The following CCDC150 variants were observed in gnomAD, a reference collection of about 807,000 sequenced individuals.
CCDC150 encodes coiled-coil domain-containing protein 150.
Under a neutral mutation model 156.5 loss-of-function variants are expected in CCDC150, and 151 were observed. The observed-to-expected ratio is 0.97, with a 90% CI of 0.85 to 1.10. The LOEUF (loss-of-function observed/expected upper bound fraction) is 1.10. CCDC150 is among the 50% of genes least tolerant of loss of function. The pLI is 0.00. For missense variants in CCDC150, 1,312 were observed against 1,268.1 expected, an observed-to-expected ratio of 1.03 and a Z score of -0.53; for synonymous variants, 452 against 429.4, an observed-to-expected ratio of 1.05 and a Z score of -0.65.
At chr2:196,651,720 G>A (rs758214065) in intron 2 of CCDC150, among the ~76,000 whole-genome samples, 40 of 152,074 alleles carry the variant, frequency 2.6e-4, no homozygotes, top group South Asian at 8.3e-4. Context: ...TTTAACTTTT[G>A]ACAATTTGAT....
At chr2:196,699,941 TTAAAA>T (rs1279993885) in intron 14 of CCDC150, among the ~76,000 whole-genome samples, 76 of 152,222 alleles carry the variant, frequency 5.0e-4, no homozygotes, top group Middle Eastern at 3.2e-3. Flanking sequence ...GTTCACACAC[TTAAAA>T]TAAAGGATAT....
intron 13 of CCDC150, among the ~76,000 whole-genome samples, chr2:196,689,611 T>G (rs1397517974): frequency 3.1e-4 from 47 of 152,180 alleles, no homozygotes; most frequent in African/African-American, 1.0e-3. Flanking sequence ...CTGAGACTTT[T>G]CTGAAGTTGC....
chr2:196,690,920 G>A (rs1018887814), intron 13 of CCDC150, among the ~76,000 whole-genome samples: 10 of 152,168 alleles, frequency 6.6e-5, no homozygotes, highest in Admixed American at 1.3e-4. Flanking sequence ...GTGAAGGGAT[G>A]TTGAATTTTA....
intron 21 of CCDC150, among the ~76,000 whole-genome samples, chr2:196,722,069 T>A (rs1697952874): frequency 1.3e-5 from 2 of 152,234 alleles, no homozygotes; most frequent in African/African-American, 4.8e-5. Flanking sequence ...TCAGCCTGGG[T>A]GGAATGACTC....
At chr2:196,640,295 G>A (rs1222322600) in intron 1 of CCDC150, among the ~76,000 whole-genome samples, 1 of 152,130 alleles carries the variant, frequency 6.6e-6, no homozygotes, top group African/African-American at 2.4e-5. Context: ...CACTGTATTA[G>A]GCTCTAAAGA....
chr2:196,692,414 G>T lies in CCDC150; in HGVS notation c.1510-2632G>T, dbSNP rs562157548. Among the ~76,000 whole-genome samples, 2 of 152,074 alleles carry T rather than the reference G, an allele frequency of 1.3e-5. 1 individual carries two copies. The highest frequency in any genetic ancestry group is 1.3e-4 in the Admixed American group (2 of 15,272). On this transcript the variant is annotated intron_variant, in intron 13 of 27. Transcript: ENST00000389175. ...CTCCCAAAGTGCTGGGATTACAGGC[G>T]TGAGCCACCGCGCCCGGCCGAGATC...
At chr2:196,707,165 A>G (rs1425455286) in intron 15 of CCDC150, among the ~76,000 whole-genome samples, 6 of 152,066 alleles carry the variant, frequency 3.9e-5, no homozygotes, top group Non-Finnish European at 7.4e-5. Context: ...TTGGTAGGCT[A>G]TTATTGCCTC....
rs1698563048 is a variant in CCDC150 at position 196,732,292 on chromosome 2, A to C, written c.3189+140A>C. 3 of 1,189,628 alleles carry C rather than the reference A, an allele frequency of 2.5e-6. No homozygotes were observed. The South Asian group carries it at 4.5e-5, about 18-fold the overall frequency. The allele number at this position is 1,189,628 out of a possible 1,614,324, so 73.7% of individuals were successfully genotyped here. A position where few individuals can be genotyped will look rare whatever the true frequency, so the allele number is the denominator to read the frequency against. On this transcript the variant is annotated intron_variant, in intron 27 of 27. Coordinates refer to ENST00000389175, the MANE Select transcript of CCDC150 (RefSeq NM_001080539.2). ...TAGACTAATGCTAGGAAACCAATTAATTTCTTTTTTTTACAAAGTTCCACC... is the reference window on the plus strand; with the variant it reads ...TAGACTAATGCTAGGAAACCAATTACTTTCTTTTTTTTACAAAGTTCCACC...
chr2:196,705,413 ATTTG>A (rs1449255955), intron 15 of CCDC150, among the ~76,000 whole-genome samples: 3 of 152,072 alleles, frequency 2.0e-5, no homozygotes, highest in African/African-American at 7.2e-5. Flanking sequence ...TTTCTTGTAA[ATTTG>A]TTTAAGTTCT....
chr2:196,721,609 A>T lies in CCDC150; in HGVS notation c.2347A>T (p.Asn783Tyr). 9 of 1,607,608 alleles carry T rather than the reference A, an allele frequency of 5.6e-6. No individual in the cohort carries two copies. Among genetic ancestry groups the T allele is most frequent in the Non-Finnish European group, 6.8e-6 (8 of 1,177,106 alleles). Residue 783 changes from asparagine to tyrosine, a missense_variant, in exon 21 of 28, where the codon AAT (asparagine) becomes TAT (tyrosine). Asn to Tyr is a moderately radical substitution (Grantham distance 143). Transcript: ENST00000389175. ...MSLEQALQTN[N>Y]HLQTKLDHIQ... ...TCTGGAACAAGCTCTCCAGACAAAT[A>T]ATCATCTGCAAACAAAGCTAGATCA...
chr2:196,726,194 C>T (rs978164175), intron 22 of CCDC150, 95 bp downstream of exon 22: 1 of 1,378,770 alleles, frequency 7.3e-7, no homozygotes, highest in Non-Finnish European at 1.0e-6. Context: ...TCTTTGACTC[C>T]TCTCATCCCC....
chr2:196,675,438 T>C lies in CCDC150; in HGVS notation c.1138-705T>C, dbSNP rs187733307. Among the ~76,000 whole-genome samples the C allele has an allele frequency of 2.0e-5, 3 of 152,292 alleles. No homozygotes were observed. In the East Asian group the frequency reaches 5.8e-4, roughly 29 times the overall value. ...CATTTTACCAGTGTGAAGACTTGCT[T>C]TGCAATCAAATATTGTTAAAATAGA... On this transcript the variant is annotated intron_variant, in intron 10 of 27. Transcript: ENST00000389175.
At chr2:196,704,506 T>C (rs76265868) in intron 15 of CCDC150, among the ~76,000 whole-genome samples, 2,382 of 152,270 alleles carry the variant, frequency 0.016, 72 homozygotes, top group African/African-American at 0.054. Context: ...TACTAGATTT[T>C]GTTATATTTC....
intron 13 of CCDC150, among the ~76,000 whole-genome samples, chr2:196,685,060 G>A (rs1695045201): frequency 1.3e-5 from 2 of 151,746 alleles, no homozygotes; most frequent in South Asian, 4.2e-4. Context: ...TACTGTTAAG[G>A]TAGGATTTAT....
At chr2:196,729,068 T>G (rs1698386519) in intron 22 of CCDC150, 125 bp from the exon 23 acceptor site, 2 of 834,578 alleles carry the variant, frequency 2.4e-6, no homozygotes, top group Non-Finnish European at 3.7e-6. Context: ...TCAGACATTA[T>G]TATTGCCTCA....
In CCDC150 at chr2:196,729,748, T is replaced by C. The variant is rs1394331774; in HGVS notation, c.2752-45T>C. 2.2e-6 allele frequency: 3 copies of C among 1,340,814 alleles called. No homozygotes were observed. The East Asian group carries it at 7.3e-5, about 33-fold the overall frequency. The allele number at this position is 1,340,814 out of a possible 1,614,324, so 83.1% of individuals were successfully genotyped here. On this transcript the variant is annotated intron_variant, in intron 23 of 27. Coordinates refer to ENST00000389175, the MANE Select transcript of CCDC150 (RefSeq NM_001080539.2). ...CTATAGGCAAAAAGAGCAAGCCAGTTTTTCCACTGATCATCTTTTTATGTT... is the reference window on the plus strand; with the variant it reads ...CTATAGGCAAAAAGAGCAAGCCAGTCTTTCCACTGATCATCTTTTTATGTT...
intron 13 of CCDC150, among the ~76,000 whole-genome samples, chr2:196,690,385 TAATAA>T (rs1303865126): frequency 4.6e-5 from 7 of 152,070 alleles, no homozygotes; most frequent in East Asian, 1.9e-4. Flanking sequence ...AGTATAATAA[TAATAA>T]AATAAAAAAC....
At position 196,718,504 on chromosome 2, in the gene CCDC150, T is replaced by C; in HGVS notation, c.1868T>C (p.Val623Ala). The C allele has an allele frequency of 6.2e-7, 1 of 1,605,748 alleles. No homozygotes were observed. Among genetic ancestry groups the C allele is most frequent in the Non-Finnish European group, 8.5e-7 (1 of 1,175,240 alleles). The part of the protein sequence containing the change: ...LQQADAHLKE[V>A]KSILERSKEE... ...TATTGTTTCTTTTTTCCTACTTAGGTGAAATCTATTCTTGAAAGAAGTAAA... is the reference window on the plus strand; with the variant it reads ...TATTGTTTCTTTTTTCCTACTTAGGCGAAATCTATTCTTGAAAGAAGTAAA... Residue 623 changes from valine (V) to alanine (A), a missense_variant and splice_region_variant, in exon 18 of 28, where the codon GTG becomes GCG. By Grantham distance (64) the Val-to-Ala change is moderately conservative. Transcript: ENST00000389175.
chr2:196,704,263 G>A (rs1430556270), intron 15 of CCDC150, among the ~76,000 whole-genome samples: 1 of 152,152 alleles, frequency 6.6e-6, no homozygotes, highest in Non-Finnish European at 1.5e-5. Flanking sequence ...TTCAAACATG[G>A]TTTGAACTTC....
Sources: gnomAD v4.1 joint callset for allele counts (sites outside exome capture counted in the v4.1 genomes callset) on GRCh38, gnomAD v4.1.1 for gene constraint, MANE v1.5 for transcripts, NCBI Gene and HGNC (gene_info 2026-07-23, HGNC 2026-07-21) for gene names.